SHCBP1L: variants seen among roughly 807,000 people sequenced by gnomAD.
SHCBP1L encodes SHC binding and spindle associated 1 like.
A neutral mutation model predicts 62.5 loss-of-function variants in SHCBP1L; 67 were observed. The ratio of observed to expected loss-of-function variants is 1.07; its 90% CI spans 0.88 to 1.31. The LOEUF (loss-of-function observed/expected upper bound fraction) is 1.31. Among genes scored for constraint, SHCBP1L ranks in the 40% most tolerant of loss-of-function variants. SHCBP1L has a pLI of 0.00. For synonymous variants in SHCBP1L, 284 were observed against 289.4 expected (o/e 0.98, Z 0.19); for missense variants, 823 against 809.8 (o/e 1.02, Z -0.20).
chr1:182,952,660 G>A, intron 1 of SHCBP1L, 69 bp downstream of exon 1: 2 of 1,499,616 alleles, frequency 1.3e-6, no homozygotes, highest in Non-Finnish European at 1.8e-6. Flanking sequence ...TAAGAGGGAA[G>A]CCCCAGATGC....
At chr1:182,936,375 T>C (rs1180882126) in intron 5 of SHCBP1L, among the ~76,000 whole-genome samples, 1 of 152,078 alleles carries the variant, frequency 6.6e-6, no homozygotes, top group South Asian at 2.1e-4. Context: ...CCTCAGGTGA[T>C]CCACCCACCT....
chr1:182,952,124 C>T (rs1651763604), intron 1 of SHCBP1L: 1 of 123,862 alleles, frequency 8.1e-6, no homozygotes, highest in Admixed American at 9.4e-5. Flanking sequence ...CACTGCATTC[C>T]GGCATGGGCA....
chr1:182,940,601 G>A (rs1408274317), intron 2 of SHCBP1L, 58 bp from the exon 3 acceptor site: 1 of 1,437,710 alleles, frequency 7.0e-7, no homozygotes, highest in South Asian at 1.3e-5. Flanking sequence ...TAAACCGCAG[G>A]ATTTCTTTCT....
In SHCBP1L at chr1:182,952,815, G is replaced by A. The variant is rs759610213; in HGVS notation, c.319C>T (p.Pro107Ser). Reference protein sequence around the residue: ...PEDEEEAQPLPPVCVSRMRGM... With the variant: ...PEDEEEAQPLSPVCVSRMRGM... ...CTCATACGGGACACGCAGACTGGGG[G>A]CAGGGGCTGCGCCTCCTCTTCATCC... Residue 107 changes from proline to serine, a missense_variant, in exon 1 of 10, where the codon CCC (proline) becomes TCC (serine). By Grantham distance (74) the Pro-to-Ser change is moderately conservative. Coordinates refer to ENST00000367547, the MANE Select transcript of SHCBP1L (RefSeq NM_030933.4). 1.9e-6 allele frequency: 3 copies of A among 1,612,566 alleles called. No homozygotes were observed. Among genetic ancestry groups the A allele is most frequent in the South Asian group, 1.1e-5 (1 of 90,926 alleles).
At chr1:182,944,069 C>T (rs989675953) in intron 2 of SHCBP1L, among the ~76,000 whole-genome samples, 2 of 150,950 alleles carry the variant, frequency 1.3e-5, no homozygotes, top group Non-Finnish European at 2.9e-5. Flanking sequence ...TGCAGTGAGC[C>T]GAGATCGCGC....
chr1:182,900,127 T>A lies in SHCBP1L; in HGVS notation c.1818A>T (p.Glu606Asp), dbSNP rs778369418. The A allele has an allele frequency of 1.2e-6, 2 of 1,612,556 alleles. No individual in the cohort carries two copies. Among genetic ancestry groups the A allele is most frequent in the South Asian group, 2.2e-5 (2 of 90,894 alleles). ...QPMEQFFIVAEEALNKRASSG... is the reference protein window; with the variant it reads ...QPMEQFFIVADEALNKRASSG... ...AAGAAGCCCTTTTGTTGAGAGCTTC[T>A]TCTGCTACGATAAAAAACTGTTCCA... Residue 606 changes from glutamate (E) to aspartate (D), a missense_variant, in exon 10 of 10, where the codon GAA becomes GAT. Transcript: ENST00000367547.
At chr1:182,938,440 G>A (rs996439987) in intron 5 of SHCBP1L, among the ~76,000 whole-genome samples, 1 of 150,210 alleles carries the variant, frequency 6.7e-6, no homozygotes, top group African/African-American at 2.5e-5. Flanking sequence ...TTAAGAGACA[G>A]GGTCAAAAAA....
chr1:182,919,143 T>G (rs1320018668), intron 6 of SHCBP1L, among the ~76,000 whole-genome samples: 2 of 152,196 alleles, frequency 1.3e-5, no homozygotes, highest in African/African-American at 4.8e-5. Flanking sequence ...AAAAATAAAT[T>G]TCTGCCTTAG....
intron 5 of SHCBP1L, among the ~76,000 whole-genome samples, chr1:182,931,003 G>T (rs547429199): frequency 2.5e-4 from 38 of 150,988 alleles, no homozygotes; most frequent in African/African-American, 9.2e-4. Context: ...TAGGATTACA[G>T]GCATGAGCCT....
chr1:182,947,673 T>A (rs914565123), intron 2 of SHCBP1L, among the ~76,000 whole-genome samples: 1 of 152,164 alleles, frequency 6.6e-6, no homozygotes, highest in African/African-American at 2.4e-5. Context: ...GAAATGAAGA[T>A]CTTTATGATG....
At chr1:182,929,123 C>T (rs570417582) in intron 6 of SHCBP1L, among the ~76,000 whole-genome samples, 1 of 152,154 alleles carries the variant, frequency 6.6e-6, no homozygotes, top group Non-Finnish European at 1.5e-5. Flanking sequence ...TGGCTCAGAA[C>T]ATTTGTTTGT....
At position 182,940,525 on chromosome 1, in the gene SHCBP1L, G is replaced by A. The variant is rs746372894; in HGVS notation, c.574C>T (p.Gln192Ter). The change falls in exon 3 of 10, where the codon CAA (glutamine) becomes TAA (stop). Residue 192 changes from glutamine to a stop codon, truncating the protein, a stop_gained. Transcript: ENST00000367547. LOFTEE classifies it high-confidence loss of function. ...ILVEVTCEPYQDSSSRFKVTV... is the reference protein window; with the variant it reads ...ILVEVTCEPY The stretch of plus-strand genomic sequence containing the variant: ...ACTTTGAAACGAGATGATGAGTCTT[G>A]GTATGGTTCACAAGTTACCTAAGAT... 1.2e-6 allele frequency: 2 copies of A among 1,613,500 alleles called. No individual in the cohort carries two copies. The highest frequency in any genetic ancestry group is 2.7e-5 in the African/African-American group (2 of 74,862).
At position 182,924,767 on chromosome 1, in the gene SHCBP1L, A is replaced by G. The variant is rs1298455878; in HGVS notation, c.1182+4880T>C. On this transcript the variant is annotated intron_variant, in intron 6 of 9. Transcript: ENST00000367547. ...AAGAAAGAAAGAAAGAAAGAAAGAAAGAAAGAAAGAAAGAAAGAAAGAGAG... is the reference window on the plus strand; with the variant it reads ...AAGAAAGAAAGAAAGAAAGAAAGAAGGAAAGAAAGAAAGAAAGAAAGAGAG... Among the ~76,000 whole-genome samples the G allele has an allele frequency of 4.4e-5, 5 of 113,682 alleles. No individual in the cohort carries two copies. The East Asian group carries it at 1.0e-3, about 23-fold the overall frequency. The allele number at this position is 113,682 out of a possible 152,430, so 74.6% of individuals were successfully genotyped here.
intron 6 of SHCBP1L, among the ~76,000 whole-genome samples, chr1:182,920,321 T>G (rs10911162): frequency 0.081 from 12,309 of 152,130 alleles, 1,333 homozygotes; most frequent in African/African-American, 0.25. Context: ...GAGGTAAGAA[T>G]TGGACCCCTG....
chr1:182,904,264 G>T lies in SHCBP1L; in HGVS notation c.1503C>A (p.Cys501Ter). 6.2e-7 allele frequency: 1 copy of T among 1,614,040 alleles called. No homozygotes were observed. The highest frequency in any genetic ancestry group is 8.5e-7 in the Non-Finnish European group (1 of 1,180,012). Residue 501 changes from cysteine to a stop codon, truncating the protein, a stop_gained, in exon 8 of 10, where the codon TGC (cysteine) becomes TGA (stop). Transcript: ENST00000367547. LOFTEE classifies it high-confidence loss of function. ...VESGHMTLENCILKCEGTGVC... is the reference protein window; with the variant it reads ...VESGHMTLEN ...CTCCTGTTCCTTCACATTTTAATAT[G>T]CAGTTTTCTAGAGTCATGTGACCAG...
chr1:182,901,910 C>T (rs1193500355), intron 9 of SHCBP1L, among the ~76,000 whole-genome samples: 1 of 152,026 alleles, frequency 6.6e-6, no homozygotes, highest in Admixed American at 6.6e-5. Flanking sequence ...TGGGCCTCTG[C>T]AAGAATGATT....
chr1:182,922,942 A>G (rs1650569714), intron 6 of SHCBP1L, among the ~76,000 whole-genome samples: 1 of 152,172 alleles, frequency 6.6e-6, no homozygotes, highest in East Asian at 1.9e-4. Flanking sequence ...AAACCATACA[A>G]AAGATCAACA....
At chr1:182,935,029 T>G (rs913731464) in intron 5 of SHCBP1L, among the ~76,000 whole-genome samples, 1 of 152,118 alleles carries the variant, frequency 6.6e-6, no homozygotes, top group South Asian at 2.1e-4. Context: ...GGACTCTATT[T>G]CCTTTCACTG....
rs947819413 is a variant in SHCBP1L, at chr1:182,920,843, T to TA, written c.1182+8803dup. On this transcript the variant is annotated intron_variant, in intron 6 of 9. Coordinates refer to ENST00000367547, the MANE Select transcript of SHCBP1L (RefSeq NM_030933.4). Reference sequence around the variant, plus strand: ...TCCAACAAAAATAAAGAAAAAAGAATAAAAAAGAATGAACAAAACCTCTGA... The same window carrying TA: ...TCCAACAAAAATAAAGAAAAAAGAATAAAAAAAGAATGAACAAAACCTCTGA... Among the ~76,000 whole-genome samples, 13 of 151,860 alleles carry TA rather than the reference T, an allele frequency of 8.6e-5. 1 individual carries two copies. Among genetic ancestry groups the TA allele is most frequent in the African/African-American group, 3.1e-4 (13 of 41,408 alleles).
Sources: allele counts gnomAD v4.1 joint callset (sites outside exome capture counted in the v4.1 genomes callset), GRCh38; gene constraint gnomAD v4.1.1; transcripts MANE v1.5; gene names NCBI Gene and HGNC (gene_info 2026-07-23, HGNC 2026-07-21).